The following RPS6KC1 variants were observed in gnomAD, a reference collection of about 807,000 sequenced individuals.
RPS6KC1 encodes the protein ribosomal protein S6 kinase C1.
A neutral mutation model predicts 103.8 loss-of-function variants in RPS6KC1; 54 were observed. The ratio of observed to expected loss-of-function variants is 0.52; its 90% CI spans 0.42 to 0.65. RPS6KC1 has a LOEUF of 0.65. Among genes scored for constraint, RPS6KC1 ranks in the 30% least tolerant of loss-of-function variants. The pLI, the probability that RPS6KC1 is intolerant of heterozygous loss-of-function variation, is 0.00. For missense variants in RPS6KC1, 1,151 were observed against 1,253.8 expected (o/e 0.92, Z 1.24); for synonymous variants, 439 against 438.7 (o/e 1.00, Z -0.01).
the RPS6KC1 span, among the ~76,000 whole-genome samples, chr1:213,346,448 G>A: frequency 1.3e-5 from 2 of 152,038 alleles, no homozygotes; most frequent in East Asian, 1.9e-4. Flanking sequence ...TTTTCATAGA[G>A]GAGATTCAAA....
the RPS6KC1 span, among the ~76,000 whole-genome samples, chr1:213,766,584 C>T: frequency 2.6e-5 from 4 of 152,222 alleles, no homozygotes; most frequent in East Asian, 1.9e-4. Context: ...TTCTCAATGA[C>T]CTCCTGGTGG....
the RPS6KC1 span, among the ~76,000 whole-genome samples, chr1:213,401,618 C>T: frequency 2.0e-4 from 31 of 152,272 alleles, no homozygotes; most frequent in African/African-American, 6.0e-4. Flanking sequence ...CCATCCCCAC[C>T]GGAACTCTCT....
rs61832473 is a variant in RPS6KC1, at chr1:213,243,301, A to G, written c.2911+643A>G. On this transcript the variant is annotated intron_variant, in intron 12 of 14. Transcript: ENST00000366960. Reference sequence around the variant, plus strand: ...ATTAAAAAAATTTTTTTTTTTTTAAATAGAAACAGGGCCTTGCTGTGTTGC... The same window carrying G: ...ATTAAAAAAATTTTTTTTTTTTTAAGTAGAAACAGGGCCTTGCTGTGTTGC... Among the ~76,000 whole-genome samples, 5 of 150,880 alleles carry G rather than the reference A, an allele frequency of 3.3e-5. No homozygotes were observed. In the South Asian group the frequency reaches 1.1e-3, roughly 32 times the overall value.
the RPS6KC1 span, among the ~76,000 whole-genome samples, chr1:213,858,395 GT>G: frequency 6.0e-5 from 9 of 151,252 alleles, no homozygotes; most frequent in African/African-American, 1.2e-4. Context: ...ACCATGATGT[GT>G]TTTTTTTTAG....
chr1:213,240,116 A>G (rs1294905858), intron 10 of RPS6KC1, among the ~76,000 whole-genome samples: 1 of 152,174 alleles, frequency 6.6e-6, no homozygotes, highest in African/African-American at 2.4e-5. Flanking sequence ...CTTTACTTAT[A>G]TAACATATTA....
chr1:213,578,011 G>A, the RPS6KC1 span, among the ~76,000 whole-genome samples: 1 of 152,196 alleles, frequency 6.6e-6, no homozygotes, highest in Non-Finnish European at 1.5e-5. Context: ...GCCCCAAGCT[G>A]GGGGGCCTAG....
At position 213,206,457 on chromosome 1, in the gene RPS6KC1, TC is replaced by T. The variant is rs549433448; in HGVS notation, c.1045-24039del. Among the ~76,000 whole-genome samples the T allele has an allele frequency of 2.1e-4, 32 of 152,350 alleles. No homozygotes were observed. In the South Asian group the frequency reaches 6.6e-3, roughly 32 times the overall value. On this transcript the variant is annotated intron_variant, in intron 8 of 14. Transcript: ENST00000366960. ...ATTACAGTATATCAGACATGGTTCT[TC>T]TTTTTAGTCTAGTTGGAAAGATATA...
chr1:213,093,793 A>G (rs1455470944), intron 3 of RPS6KC1, among the ~76,000 whole-genome samples: 2 of 152,184 alleles, frequency 1.3e-5, no homozygotes, highest in Admixed American at 6.5e-5. Flanking sequence ...TATAATATTT[A>G]GCTCCATGCT....
the RPS6KC1 span, among the ~76,000 whole-genome samples, chr1:213,837,819 T>C: frequency 6.6e-6 from 1 of 152,256 alleles, no homozygotes; most frequent in East Asian, 1.9e-4. Context: ...TGAATATATT[T>C]TGTTAAACAA....
At chr1:213,067,701 A>G (rs1335248230) in intron 1 of RPS6KC1, among the ~76,000 whole-genome samples, 1 of 152,182 alleles carries the variant, frequency 6.6e-6, no homozygotes. Flanking sequence ...CTAGACTATG[A>G]GCTCCAGGAG....
At chr1:213,730,600 A>C in the RPS6KC1 span, among the ~76,000 whole-genome samples, 3 of 152,134 alleles carry the variant, frequency 2.0e-5, no homozygotes, top group Non-Finnish European at 4.4e-5. Flanking sequence ...TCCTTTGCCC[A>C]CTTTTTACTG....
At chr1:213,628,192 T>G in the RPS6KC1 span, among the ~76,000 whole-genome samples, 1 of 152,238 alleles carries the variant, frequency 6.6e-6, no homozygotes, top group African/African-American at 2.4e-5. Flanking sequence ...GTTCTAGATT[T>G]TCTAGTTTAT....
chr1:213,289,253 C>CAA, the RPS6KC1 span, among the ~76,000 whole-genome samples: 36,373 of 77,016 alleles, frequency 0.47, 10,071 homozygotes, highest in East Asian at 0.65. Context: ...GTTGGATGCT[C>CAA]AAAAAAAAAA....
At chr1:213,214,505 G>C (rs563679255) in intron 8 of RPS6KC1, among the ~76,000 whole-genome samples, 28 of 152,202 alleles carry the variant, frequency 1.8e-4, no homozygotes, top group African/African-American at 6.8e-4. Context: ...AAATGTCCCT[G>C]TCTGACAGCT....
intron 6 of RPS6KC1, 105 bp downstream of exon 6, chr1:213,129,994 A>T: frequency 2.6e-6 from 3 of 1,134,130 alleles, no homozygotes; most frequent in Non-Finnish European, 3.7e-6. Flanking sequence ...AATAATACTG[A>T]AAATGAGAAA....
chr1:213,792,197 C>T, the RPS6KC1 span, among the ~76,000 whole-genome samples: 1 of 152,178 alleles, frequency 6.6e-6, no homozygotes, highest in Non-Finnish European at 1.5e-5. Flanking sequence ...AAGGCTCAGG[C>T]AAGTCCAAAA....
chr1:213,731,555 A>G, the RPS6KC1 span: 2 of 152,214 alleles, frequency 1.3e-5, no homozygotes, highest in African/African-American at 4.8e-5. Context: ...TTCTTCATCC[A>G]CAGGTAAGAA....
chr1:213,432,454 G>T, the RPS6KC1 span, among the ~76,000 whole-genome samples: 1 of 152,082 alleles, frequency 6.6e-6, no homozygotes, highest in Non-Finnish European at 1.5e-5. Flanking sequence ...TTTAAATTTT[G>T]TTTAACAGTT....
At chr1:213,790,073 A>G in the RPS6KC1 span, among the ~76,000 whole-genome samples, 1 of 152,240 alleles carries the variant, frequency 6.6e-6, no homozygotes, top group Non-Finnish European at 1.5e-5. Context: ...TTGGGACACA[A>G]AGCTGACTGA....
Sources: gnomAD v4.1 joint callset for allele counts (sites outside exome capture counted in the v4.1 genomes callset) on GRCh38, gnomAD v4.1.1 for gene constraint, MANE v1.5 for transcripts, NCBI Gene and HGNC (gene_info 2026-07-23, HGNC 2026-07-21) for gene names.